BCORL1: variants seen among roughly 807,000 people sequenced by gnomAD.
The protein encoded by BCORL1 is BCL6 corepressor like 1.
A neutral mutation model predicts 87.6 loss-of-function variants in BCORL1; 7 were observed. The observed-to-expected ratio is 0.08, with a 90% CI of 0.05 to 0.15. BCORL1 has a LOEUF of 0.15. Ranked by LOEUF, BCORL1 falls within the 10% of genes least tolerant of loss-of-function variation. BCORL1 has a pLI of 1.00. For synonymous variants in BCORL1, 591 were observed against 634.4 expected (o/e 0.93, Z 1.03); for missense variants, 1,215 against 1,499.7 (o/e 0.81, Z 3.13).
intron 11 of BCORL1, among the ~76,000 whole-genome samples, chrX:130,043,017 GATTTA>G (rs1440185555): frequency 9.2e-6 from 1 of 108,119 alleles, no homozygotes; most frequent in Non-Finnish European, 1.9e-5. Flanking sequence ...AATTCAGTGG[GATTTA>G]GTACATTCTC....
intron 2 of BCORL1, among the ~76,000 whole-genome samples, chrX:130,008,564 A>G (rs1476778055): frequency 8.9e-6 from 1 of 111,774 alleles, no homozygotes; most frequent in Admixed American, 9.5e-5. Flanking sequence ...CGCCCGGCCT[A>G]AGATGACCTT....
intron 1 of BCORL1, among the ~76,000 whole-genome samples, chrX:130,002,425 A>C (rs900945908): frequency 9.4e-6 from 1 of 106,549 alleles, no homozygotes; most frequent in Non-Finnish European, 1.9e-5. Context: ...AGAGGGAGAG[A>C]GATGGGTGGG....
intron 6 of BCORL1, among the ~76,000 whole-genome samples, chrX:130,023,968 G>A (rs1167112311): frequency 2.7e-5 from 3 of 112,340 alleles, no homozygotes; most frequent in East Asian, 2.8e-4. Context: ...TATTTGCCTC[G>A]AACCATTTCT....
At chrX:130,055,720 C>T in intron 13 of BCORL1, 134 bp from the exon 14 acceptor site, 1 of 713,094 alleles carries the variant, frequency 1.4e-6, no homozygotes. Flanking sequence ...GACGGGGGAG[C>T]CAGACTGGCA....
intron 1 of BCORL1, among the ~76,000 whole-genome samples, chrX:129,990,828 C>CTGAGG (rs1927078575): frequency 8.9e-6 from 1 of 111,779 alleles, no homozygotes; most frequent in Admixed American, 9.5e-5. Flanking sequence ...AGTGTATATC[C>CTGAGG]AGTTGAAACT....
Position 130,014,311 on chromosome X carries a change from T to A in BCORL1, c.1539T>A (p.Thr513=). 5.0e-6 allele frequency: 6 copies of A among 1,211,415 alleles called. No individual in the cohort carries two copies. The highest frequency in any genetic ancestry group is 6.7e-6 in the Non-Finnish European group (6 of 895,385). The change falls in exon 4 of 14, where the codon ACT becomes ACA. Residue 513 remains threonine, a synonymous_variant. Coordinates refer to ENST00000540052, the MANE Select transcript of BCORL1 (RefSeq NM_001379451.1). ...CATTTTCTGTGGCCCGGCCTCTGACTTCGGATTCCAAGCTGGTATCTCTGG... is the reference window on the plus strand; with the variant it reads ...CATTTTCTGTGGCCCGGCCTCTGACATCGGATTCCAAGCTGGTATCTCTGG... ...PYAFSVARPL[T]SDSKLVSLEV... is the part of the protein sequence containing the mutation.
chrX:130,042,688 C>T (rs1291143474), intron 11 of BCORL1, among the ~76,000 whole-genome samples: 1 of 111,402 alleles, frequency 9.0e-6, no homozygotes, highest in Non-Finnish European at 1.9e-5. Context: ...GTGAACAATT[C>T]GGGCCAGGCG....
At chrX:129,996,202 G>A (rs1012572804) in intron 1 of BCORL1, among the ~76,000 whole-genome samples, 1 of 111,160 alleles carries the variant, frequency 9.0e-6, no homozygotes, top group Admixed American at 9.6e-5. Flanking sequence ...CCCAAAGTTG[G>A]TTTTCCTTAC....
chrX:130,016,362 G>A, intron 4 of BCORL1, 149 bp downstream of exon 4: 2 of 769,665 alleles, frequency 2.6e-6, no homozygotes, highest in Non-Finnish European at 3.6e-6. Flanking sequence ...TTTTGTAAAA[G>A]TAATAATGAC....
chrX:129,991,490 A>T lies in BCORL1; in HGVS notation c.-45+8728A>T, dbSNP rs374218041. ...TCCTGAGTAGCTGGGACAGGCCACC[A>T]TGCCCGGACAATTGTTTTTATTTTT... On this transcript the variant is annotated intron_variant, in intron 1 of 13. Coordinates refer to ENST00000540052, the MANE Select transcript of BCORL1 (RefSeq NM_001379451.1). Among the ~76,000 whole-genome samples, 10 of 106,126 alleles carry T rather than the reference A, an allele frequency of 9.4e-5. No individual in the cohort carries two copies. In the East Asian group the frequency reaches 2.7e-3, roughly 28 times the overall value. 92.2% of individuals were successfully genotyped at this position (106,126 alleles called of 115,157 possible).
intron 5 of BCORL1, among the ~76,000 whole-genome samples, chrX:130,022,236 CTT>C (rs34598574): frequency 1.8e-5 from 1 of 56,312 alleles, no homozygotes; most frequent in African/African-American, 7.5e-5. Context: ...TTCTTTCTTT[CTT>C]TTTTTTTTTT....
intron 4 of BCORL1, 77 bp from the exon 5 acceptor site, chrX:130,020,908 G>T (rs989731359): frequency 2.4e-5 from 25 of 1,054,304 alleles, no homozygotes; most frequent in Non-Finnish European, 3.1e-5. Context: ...TCAGAAACGG[G>T]ACACATGGCT....
intron 1 of BCORL1, among the ~76,000 whole-genome samples, chrX:129,987,346 A>G (rs1321322242): frequency 8.9e-6 from 1 of 112,218 alleles, no homozygotes; most frequent in African/African-American, 3.2e-5. Flanking sequence ...ATTAAGAGCC[A>G]AAGGAGGAAG....
At chrX:130,022,408 C>T (rs1300690957) in intron 5 of BCORL1, among the ~76,000 whole-genome samples, 2 of 108,153 alleles carry the variant, frequency 1.8e-5, no homozygotes, top group African/African-American at 6.8e-5. Context: ...CCACCACGCC[C>T]GGCGAATTTT....
chrX:130,017,825 G>A (rs1180776796), intron 4 of BCORL1, among the ~76,000 whole-genome samples: 1 of 110,350 alleles, frequency 9.1e-6, no homozygotes, highest in African/African-American at 3.3e-5. Context: ...TTGTAGAGAC[G>A]AGGTCTCACT....
intron 1 of BCORL1, among the ~76,000 whole-genome samples, chrX:129,988,213 GT>G (rs1319850061): frequency 9.0e-6 from 1 of 111,409 alleles, no homozygotes; most frequent in Admixed American, 9.6e-5. Flanking sequence ...TTTTTGAATG[GT>G]TATCCTTAAA....
intron 1 of BCORL1, among the ~76,000 whole-genome samples, chrX:129,984,223 T>TGCCGCCGCC (rs1177302718): frequency 9.7e-6 from 1 of 102,691 alleles, no homozygotes; most frequent in African/African-American, 3.5e-5. Context: ...CCGCAGCCGT[T>TGCCGCCGCC]GCCGCCGCCG....
chrX:130,015,651 A>G lies in BCORL1; in HGVS notation c.2879A>G (p.Asp960Gly). Reference protein sequence around the residue: ...PEESESHLCSDSTPKMEGPQG... With the variant: ...PEESESHLCSGSTPKMEGPQG... ...GAATCAGAGAGCCACCTCTGCTCTG[A>G]CAGCACTCCTAAGATGGAAGGCCCC... The change falls in exon 4 of 14, where the codon GAC becomes GGC. Residue 960 changes from aspartate (D) to glycine (G), a missense_variant. Coordinates refer to ENST00000540052, the MANE Select transcript of BCORL1 (RefSeq NM_001379451.1). The G allele has an allele frequency of 8.3e-7, 1 of 1,211,772 alleles. No individual in the cohort carries two copies. The highest frequency in any genetic ancestry group is 1.1e-6 in the Non-Finnish European group (1 of 895,500).
rs756959108 is a variant in BCORL1, at chrX:130,038,268, C to T, written c.4694+735C>T. Among the ~76,000 whole-genome samples the T allele has an allele frequency of 2.7e-5, 3 of 111,971 alleles. No individual in the cohort carries two copies. The East Asian group carries it at 8.4e-4, about 32-fold the overall frequency. ...ATCTCTAGACACTGTAAGAAAAATA[C>T]ACCTGCTGTGTCTTAGAGAAATTGT... On this transcript the variant is annotated intron_variant, in intron 10 of 13. Transcript: ENST00000540052.
Sources: allele counts gnomAD v4.1 joint callset (sites outside exome capture counted in the v4.1 genomes callset), GRCh38; gene constraint gnomAD v4.1.1; transcripts MANE v1.5; gene names NCBI Gene and HGNC (gene_info 2026-07-23, HGNC 2026-07-21).